CCDC178: variants seen among roughly 807,000 people sequenced by gnomAD.
The protein encoded by CCDC178 is coiled-coil domain containing 178.
Under a neutral mutation model 117.4 loss-of-function variants are expected in CCDC178, and 126 were observed. The observed-to-expected ratio is 1.07, with a 90% CI of 0.93 to 1.24. CCDC178 has a LOEUF of 1.24. CCDC178 is among the 50% of genes most tolerant of loss of function. The pLI is 0.00. For synonymous variants in CCDC178, 283 were observed against 313.4 expected (o/e 0.90, Z 1.02); for missense variants, 1,030 against 986.9 (o/e 1.04, Z -0.59).
intron 15 of CCDC178, among the ~76,000 whole-genome samples, chr18:33,244,619 C>T (rs961335753): frequency 2.0e-5 from 3 of 151,880 alleles, no homozygotes; most frequent in African/African-American, 7.2e-5. Context: ...GAGGCCTCCC[C>T]AGCCATGCAG....
At chr18:33,403,363 C>G (rs1218841005) in intron 3 of CCDC178, among the ~76,000 whole-genome samples, 1 of 151,924 alleles carries the variant, frequency 6.6e-6, no homozygotes, top group Non-Finnish European at 1.5e-5. Flanking sequence ...AGAAAAGTTG[C>G]TAAATTAACA....
intron 3 of CCDC178, among the ~76,000 whole-genome samples, chr18:33,405,922 G>A (rs2063773992): frequency 6.6e-6 from 1 of 151,980 alleles, no homozygotes; most frequent in Non-Finnish European, 1.5e-5. Flanking sequence ...GGGAGTATAT[G>A]CAAAATACAA....
chr18:33,135,346 C>CA (rs572949272), intron 20 of CCDC178, among the ~76,000 whole-genome samples: 18 of 151,530 alleles, frequency 1.2e-4, no homozygotes, highest in South Asian at 6.3e-4. Flanking sequence ...AGATGGCACA[C>CA]AAAAAAATAA....
intron 20 of CCDC178, among the ~76,000 whole-genome samples, chr18:33,107,915 G>A (rs538034149): frequency 6.7e-4 from 102 of 151,790 alleles, no homozygotes; most frequent in African/African-American, 2.1e-3. Context: ...GAGAAGAAAC[G>A]TTCTTTTTGT....
intron 9 of CCDC178, among the ~76,000 whole-genome samples, chr18:33,342,382 T>A (rs527705562): frequency 1.3e-5 from 2 of 152,334 alleles, no homozygotes; most frequent in South Asian, 4.1e-4. Flanking sequence ...CAAGATATGA[T>A]AGATATGTTG....
At chr18:33,427,781 T>C (rs2064142258) in intron 2 of CCDC178, among the ~76,000 whole-genome samples, 1 of 152,312 alleles carries the variant, frequency 6.6e-6, no homozygotes, top group East Asian at 1.9e-4. Context: ...AGATGAGCCT[T>C]TCACCTTCTG....
chr18:33,060,522 G>T (rs377255979), intron 21 of CCDC178, among the ~76,000 whole-genome samples: 25 of 151,430 alleles, frequency 1.7e-4, no homozygotes, highest in African/African-American at 5.6e-4. Context: ...AAACAAATTT[G>T]TACTTTTTAA....
chr18:33,224,702 T>C (rs1216390657), intron 17 of CCDC178, 73 bp downstream of exon 17: 2 of 985,346 alleles, frequency 2.0e-6, no homozygotes, highest in Admixed American at 3.2e-5. Context: ...CAAATGATAA[T>C]GTAAAATCAC....
At chr18:32,960,148 G>A (rs1265471840) in intron 22 of CCDC178, among the ~76,000 whole-genome samples, 1 of 151,908 alleles carries the variant, frequency 6.6e-6, no homozygotes, top group Non-Finnish European at 1.5e-5. Flanking sequence ...TTTTATCTTA[G>A]ATATCAATAT....
At chr18:33,050,787 AATTT>A (rs1260329351) in intron 21 of CCDC178, among the ~76,000 whole-genome samples, 1 of 152,206 alleles carries the variant, frequency 6.6e-6, no homozygotes, top group Non-Finnish European at 1.5e-5. Context: ...AAAGACCTAG[AATTT>A]ATTTTTCTCT....
At chr18:33,150,823 C>T (rs1213492284) in intron 20 of CCDC178, among the ~76,000 whole-genome samples, 1 of 152,174 alleles carries the variant, frequency 6.6e-6, no homozygotes, top group African/African-American at 2.4e-5. Flanking sequence ...GACATATGCA[C>T]ACGGATGGTT....
At chr18:33,170,778 C>A (rs2058589065) in intron 20 of CCDC178, among the ~76,000 whole-genome samples, 1 of 152,056 alleles carries the variant, frequency 6.6e-6, no homozygotes, top group African/African-American at 2.4e-5. Flanking sequence ...ATCCTAAAAG[C>A]AGAGGATTTT....
chr18:33,024,652 AT>A (rs891767888), intron 21 of CCDC178, among the ~76,000 whole-genome samples: 13 of 149,792 alleles, frequency 8.7e-5, no homozygotes, highest in East Asian at 2.0e-4. Flanking sequence ...TATTATTATC[AT>A]TTTTTTTTGA....
intron 11 of CCDC178, among the ~76,000 whole-genome samples, chr18:33,314,587 A>T (rs1312980922): frequency 6.6e-6 from 1 of 152,186 alleles, no homozygotes; most frequent in Admixed American, 6.5e-5. Flanking sequence ...ATGGAAAAAA[A>T]TGAGATGCTA....
chr18:33,398,719 C>T (rs1343030587), intron 3 of CCDC178, among the ~76,000 whole-genome samples: 1 of 152,068 alleles, frequency 6.6e-6, no homozygotes, highest in Non-Finnish European at 1.5e-5. Context: ...ACCAAGAATA[C>T]AAGCATACCT....
intron 12 of CCDC178, among the ~76,000 whole-genome samples, chr18:33,278,264 C>CTT (rs2059976347): frequency 7.0e-6 from 1 of 142,384 alleles, no homozygotes; most frequent in East Asian, 2.1e-4. Context: ...TATACATACA[C>CTT]ATATATATAC....
chr18:33,401,084 G>A (rs1404399854), intron 3 of CCDC178, among the ~76,000 whole-genome samples: 2 of 152,130 alleles, frequency 1.3e-5, no homozygotes, highest in African/African-American at 4.8e-5. Context: ...AACATTGATC[G>A]ATTAAGTTAG....
At chr18:33,210,324 A>C (rs1370764861) in intron 20 of CCDC178, among the ~76,000 whole-genome samples, 1 of 151,986 alleles carries the variant, frequency 6.6e-6, no homozygotes, top group Non-Finnish European at 1.5e-5. Flanking sequence ...ATGAGACCAT[A>C]TAATGCTTCC....
At chr18:33,358,396 A>G (rs931757605) in intron 6 of CCDC178, among the ~76,000 whole-genome samples, 1 of 151,946 alleles carries the variant, frequency 6.6e-6, no homozygotes, top group African/African-American at 2.4e-5. Context: ...ATCAAAACAT[A>G]TTATGACTCA....
Sources: allele counts gnomAD v4.1 joint callset (sites outside exome capture counted in the v4.1 genomes callset), GRCh38; gene constraint gnomAD v4.1.1; transcripts MANE v1.5; gene names NCBI Gene and HGNC (gene_info 2026-07-23, HGNC 2026-07-21).